CFAP299: variants seen among roughly 807,000 people sequenced by gnomAD.
The protein encoded by CFAP299 is cilia and flagella associated protein 299.
In CFAP299, 21 loss-of-function variants were observed where a neutral mutation model predicts 27.0. That is an observed-to-expected ratio of 0.78 (90% CI 0.55 to 1.12). CFAP299 has a LOEUF of 1.12. Ranked by LOEUF, CFAP299 falls within the 50% of genes most tolerant of loss-of-function variation. The probability of loss-of-function intolerance (pLI) is 0.00; values close to 1 mark genes in which losing one functional copy is unlikely to be tolerated. For missense variants in CFAP299, 310 were observed against 276.6 expected (o/e 1.12, Z -0.86); for synonymous variants, 104 against 98.1 (o/e 1.06, Z -0.36).
At chr4:80,562,693 T>TAATAATAATAATAATAAC (rs574418448) in intron 2 of CFAP299, among the ~76,000 whole-genome samples, 3 of 128,606 alleles carry the variant, frequency 2.3e-5, no homozygotes, top group African/African-American at 9.2e-5. Flanking sequence ...ATAATAATAA[T>TAATAATAATAATAATAAC]AACAACAACA....
At chr4:80,657,905 C>A (rs548240362) in intron 3 of CFAP299, among the ~76,000 whole-genome samples, 7 of 151,892 alleles carry the variant, frequency 4.6e-5, no homozygotes, top group African/African-American at 1.7e-4. Context: ...AAATAATTTC[C>A]TTGAGCTCTG....
intron 2 of CFAP299, among the ~76,000 whole-genome samples, chr4:80,416,278 TAACA>T (rs1240333645): frequency 3.9e-5 from 6 of 152,254 alleles, no homozygotes; most frequent in African/African-American, 1.4e-4. Flanking sequence ...TTTTGTTATG[TAACA>T]AACATGTTAC....
chr4:80,612,017 G>T (rs539220606), intron 3 of CFAP299, among the ~76,000 whole-genome samples: 5 of 152,104 alleles, frequency 3.3e-5, no homozygotes, highest in Non-Finnish European at 7.4e-5. Context: ...GTCGATGATG[G>T]TCATGCTCTA....
chr4:80,538,401 A>G (rs1158256227), intron 2 of CFAP299, among the ~76,000 whole-genome samples: 2 of 152,066 alleles, frequency 1.3e-5, no homozygotes, highest in Non-Finnish European at 2.9e-5. Flanking sequence ...TAAATCTAGT[A>G]TAGCTTAACT....
chr4:80,564,374 C>G (rs1735180840), intron 2 of CFAP299, among the ~76,000 whole-genome samples: 2 of 151,944 alleles, frequency 1.3e-5, no homozygotes, highest in South Asian at 4.1e-4. Flanking sequence ...GATGTTTCAA[C>G]ATATGCAAGT....
At chr4:80,386,931 A>C in intron 2 of CFAP299, 1 of 851,070 alleles carries the variant, frequency 1.2e-6, no homozygotes, top group South Asian at 1.3e-5. Context: ...GTGAGCGCGC[A>C]GTTTGAGGTA....
At chr4:80,826,626 C>T (rs950049799) in intron 3 of CFAP299, among the ~76,000 whole-genome samples, 1 of 151,466 alleles carries the variant, frequency 6.6e-6, no homozygotes, top group Non-Finnish European at 1.5e-5. Flanking sequence ...GTTCAATGCC[C>T]CACACTCAGT....
Position 80,893,664 on chromosome 4 carries a change from C to CAA in CFAP299, c.476+23539_476+23540dup, listed in dbSNP as rs202113225. ...ACTAGAAAAACTAAATGAATACATG[C>CAA]AAAAAAAAAAAGAAATTGGACCCTT... On this transcript the variant is annotated intron_variant, in intron 4 of 5. Transcript: ENST00000358105. Among the ~76,000 whole-genome samples the CAA allele has an allele frequency of 1.2e-3, 158 of 132,492 alleles. No individual in the cohort carries two copies. The Middle Eastern group carries it at 0.019, about 16-fold the overall frequency. 86.9% of individuals were successfully genotyped at this position (132,492 alleles called of 152,430 possible).
At chr4:80,396,883 G>T (rs1725827270) in intron 2 of CFAP299, among the ~76,000 whole-genome samples, 1 of 152,166 alleles carries the variant, frequency 6.6e-6, no homozygotes, top group South Asian at 2.1e-4. Flanking sequence ...TCAGGATGAT[G>T]CTGGCCTCAT....
intron 3 of CFAP299, among the ~76,000 whole-genome samples, chr4:80,666,461 C>T (rs1336172592): frequency 2.0e-5 from 3 of 152,024 alleles, no homozygotes; most frequent in Non-Finnish European, 4.4e-5. Flanking sequence ...GCTTGTCCAT[C>T]CCAACCTGAT....
At chr4:80,915,409 TG>T (rs1421565704) in intron 4 of CFAP299, among the ~76,000 whole-genome samples, 1 of 152,076 alleles carries the variant, frequency 6.6e-6, no homozygotes, top group East Asian at 1.9e-4. Context: ...TTTAAGATTT[TG>T]TCCTGGATTT....
chr4:80,664,424 C>T (rs1216569668), intron 3 of CFAP299, among the ~76,000 whole-genome samples: 1 of 152,138 alleles, frequency 6.6e-6, no homozygotes, highest in East Asian at 1.9e-4. Context: ...GCCTTTCTTT[C>T]AGAGATGCCC....
intron 3 of CFAP299, among the ~76,000 whole-genome samples, chr4:80,684,128 C>T (rs575923315): frequency 4.5e-4 from 69 of 152,258 alleles, no homozygotes; most frequent in African/African-American, 1.5e-3. Context: ...TTTGCCAAAG[C>T]GATTATGTTC....
chr4:80,509,965 G>C (rs188513694), intron 2 of CFAP299, among the ~76,000 whole-genome samples: 27 of 151,814 alleles, frequency 1.8e-4, no homozygotes, highest in Admixed American at 9.8e-4. Flanking sequence ...ATCAGTATCA[G>C]CTTCATGGAC....
At chr4:80,508,637 C>T (rs2132266) in intron 2 of CFAP299, among the ~76,000 whole-genome samples, 53 of 152,082 alleles carry the variant, frequency 3.5e-4, no homozygotes, top group Non-Finnish European at 1.5e-4. Context: ...TGGCTCACTG[C>T]GGCCTTGACC....
chr4:80,519,395 C>CG (rs1479438555), intron 2 of CFAP299, among the ~76,000 whole-genome samples: 2 of 151,998 alleles, frequency 1.3e-5, no homozygotes, highest in Admixed American at 1.3e-4. Context: ...TTAGTATAGA[C>CG]GGAGTTTCAC....
intron 4 of CFAP299, among the ~76,000 whole-genome samples, chr4:80,903,607 A>G (rs779237182): frequency 3.3e-5 from 5 of 152,040 alleles, no homozygotes; most frequent in Admixed American, 2.0e-4. Flanking sequence ...AGGGAGATAT[A>G]TATTGGCAAT....
chr4:80,515,374 T>G (rs1209618886), intron 2 of CFAP299, among the ~76,000 whole-genome samples: 1 of 152,200 alleles, frequency 6.6e-6, no homozygotes, highest in African/African-American at 2.4e-5. Context: ...GCTGGCTGTC[T>G]TAATTAATCT....
intron 2 of CFAP299, among the ~76,000 whole-genome samples, chr4:80,376,764 C>T (rs1413690358): frequency 2.6e-5 from 4 of 152,182 alleles, no homozygotes; most frequent in African/African-American, 9.6e-5. Flanking sequence ...AAACGATCCT[C>T]CTGCCTCAGC....
Sources: gnomAD v4.1 joint callset for allele counts (sites outside exome capture counted in the v4.1 genomes callset) on GRCh38, gnomAD v4.1.1 for gene constraint, MANE v1.5 for transcripts, NCBI Gene and HGNC (gene_info 2026-07-23, HGNC 2026-07-21) for gene names.